KLHL34: variants seen among roughly 807,000 people sequenced by gnomAD.
KLHL34 encodes kelch-like protein 34.
KLHL34 carries 24 observed loss-of-function variants against 23.8 expected under a neutral mutation model. The observed-to-expected ratio is 1.01, with a 90% CI of 0.73 to 1.42. The LOEUF is 1.42. KLHL34 is among the 40% of genes most tolerant of loss of function. The pLI, the probability that KLHL34 is intolerant of heterozygous loss-of-function variation, is 0.00. For synonymous variants in KLHL34, 303 were observed against 287.9 expected (o/e 1.05, Z -0.53); for missense variants, 652 against 595.1 (o/e 1.10, Z -0.99).
rs199515825 is a variant in KLHL34 at position 21,657,239 on chromosome X, C to T, written c.550G>A (p.Gly184Ser). 4.2e-6 allele frequency: 5 copies of T among 1,182,727 alleles called. No individual in the cohort carries two copies. The East Asian group carries it at 1.2e-4, about 29-fold the overall frequency. The part of the protein sequence containing the change: ...LNPTSLRAVL[G>S]APDVARVPEA... ...GGCACCCGCGCCACGTCGGGGGCAC[C>T]CAGTACAGCCCTCAGCGATGTAGGG... Residue 184 changes from glycine to serine, a missense_variant, in exon 1 of 1, where the codon GGT becomes AGT. Coordinates refer to ENST00000379499, the MANE Select transcript of KLHL34 (RefSeq NM_153270.3).
Position 21,657,488 on chromosome X carries a change from C to T in KLHL34, c.301G>A (p.Asp101Asn), listed in dbSNP as rs1253767561. 1 of 1,211,198 alleles carries T rather than the reference C, an allele frequency of 8.3e-7. No homozygotes were observed. Among genetic ancestry groups the T allele is most frequent in the Admixed American group, 2.2e-5 (1 of 46,134 alleles). Residue 101 changes from aspartate (D) to asparagine (N), a missense_variant, in exon 1 of 1, where the codon GAC becomes AAC. Asp to Asn is a conservative substitution (Grantham distance 23, BLOSUM62 1). Transcript: ENST00000379499. The part of the protein sequence containing the change: ...WLSLSMDTVE[D>N]TLEAASYLQV... ...AGGTAGCTGGCGGCCTCCAGAGTGTCCTCTACAGTGTCCATGGAAAGCGAC... is the reference window on the plus strand; with the variant it reads ...AGGTAGCTGGCGGCCTCCAGAGTGTTCTCTACAGTGTCCATGGAAAGCGAC...
Position 21,656,079 on chromosome X carries a change from C to G in KLHL34, c.1710G>C (p.Glu570Asp), listed in dbSNP as rs1046366483. ...DRFCYGLAVV[E>D]ETALLLGGLK... Reference sequence around the variant, plus strand: ...GGCCGCCCAGCAGCAACGCTGTCTCCTCGACCACGGCCAGCCCATAGCAGA... The same window carrying G: ...GGCCGCCCAGCAGCAACGCTGTCTCGTCGACCACGGCCAGCCCATAGCAGA... The change falls in exon 1 of 1, where the codon GAG (glutamate) becomes GAC (aspartate). Residue 570 changes from glutamate (E) to aspartate (D), a missense_variant. Transcript: ENST00000379499. 3 of 1,188,208 alleles carry G rather than the reference C, an allele frequency of 2.5e-6. No individual in the cohort carries two copies. The highest frequency in any genetic ancestry group is 3.4e-6 in the Non-Finnish European group (3 of 883,164).
chrX:21,657,220 C>T lies in KLHL34; in HGVS notation c.569G>A (p.Arg190Gln). The change falls in exon 1 of 1, where the codon CGG becomes CAG. Residue 190 changes from arginine to glutamine, a missense_variant. Physicochemically the swap from Arg to Gln is conservative, Grantham distance 43. Coordinates refer to ENST00000379499, the MANE Select transcript of KLHL34 (RefSeq NM_153270.3). ...GCCCAGTAGCCGGGCCTCGGGCACC[C>T]GCGCCACGTCGGGGGCACCCAGTAC... is the stretch of plus-strand genomic sequence containing the variant. ...RAVLGAPDVARVPEARLLGLA... is the reference protein window; with the variant it reads ...RAVLGAPDVAQVPEARLLGLA... The T allele has an allele frequency of 6.7e-6, 8 of 1,193,718 alleles. No homozygotes were observed. Among genetic ancestry groups the T allele is most frequent in the Non-Finnish European group, 9.0e-6 (8 of 887,901 alleles).
Position 21,656,319 on chromosome X carries a change from C to G in KLHL34, c.1470G>C (p.Ala490=). The G allele has an allele frequency of 8.3e-7, 1 of 1,199,921 alleles. No homozygotes were observed. The highest frequency in any genetic ancestry group is 1.1e-6 in the Non-Finnish European group (1 of 889,708). The stretch of plus-strand genomic sequence containing the variant: ...GGACGTATAAGTCCCGGAGGCTGCT[C>G]GCTCCGCCCTCGCCTCTCCCTGCCT... ...GGKAGRGEGG[A]SSLRDLYVLG... is the part of the protein sequence containing the mutation. The change falls in exon 1 of 1, where the codon GCG becomes GCC. Residue 490 remains alanine (A), a synonymous_variant. Transcript: ENST00000379499.
At position 21,658,027 on chromosome X, in the gene KLHL34, A is replaced by T; in HGVS notation, c.-239T>A. ...GGTTTTCGGAGGCCCCTAGTAACGGAGGGCGCGGAATTTGGAGGCTTCCCG... is the reference window on the plus strand; with the variant it reads ...GGTTTTCGGAGGCCCCTAGTAACGGTGGGCGCGGAATTTGGAGGCTTCCCG... On this transcript the variant is annotated 5_prime_UTR_variant, in exon 1 of 1. Coordinates refer to ENST00000379499, the MANE Select transcript of KLHL34 (RefSeq NM_153270.3). 2.7e-6 allele frequency: 1 copy of T among 373,898 alleles called. No individual in the cohort carries two copies. The highest frequency in any genetic ancestry group is 4.7e-5 in the East Asian group (1 of 21,187). 30.8% of individuals were successfully genotyped at this position (373,898 alleles called of 1,213,427 possible). A position where few individuals can be genotyped will look rare whatever the true frequency, so the allele number is the denominator to read the frequency against.
At position 21,655,254 on chromosome X, in the gene KLHL34, T is replaced by C. The variant is rs1028557743; in HGVS notation, c.*600A>G. 5 of 110,109 alleles carry C rather than the reference T, an allele frequency of 4.5e-5. No homozygotes were observed. Among genetic ancestry groups the C allele is most frequent in the Non-Finnish European group, 7.6e-5 (4 of 52,797 alleles). 9.1% of individuals were successfully genotyped at this position (110,109 alleles called of 1,213,427 possible). On this transcript the variant is annotated 3_prime_UTR_variant, in exon 1 of 1. Transcript: ENST00000379499. Reference sequence around the variant, plus strand: ...AGAGATTTTTTTTTTCCTTCTCAGTTCCATATTTATATCAAACCATCAGAG... The same window carrying C: ...AGAGATTTTTTTTTTCCTTCTCAGTCCCATATTTATATCAAACCATCAGAG...
chrX:21,655,450 T>C lies in KLHL34; in HGVS notation c.*404A>G, dbSNP rs2092730320. Reference sequence around the variant, plus strand: ...TTTTCTGAGTTTTGTATAAACTTCCTGTGGTACATTTTTTGGCCTTTTTTT... The same window carrying C: ...TTTTCTGAGTTTTGTATAAACTTCCCGTGGTACATTTTTTGGCCTTTTTTT... On this transcript the variant is annotated 3_prime_UTR_variant, in exon 1 of 1. Coordinates refer to ENST00000379499, the MANE Select transcript of KLHL34 (RefSeq NM_153270.3). The C allele has an allele frequency of 8.3e-6, 1 of 120,651 alleles. No homozygotes were observed. The highest frequency in any genetic ancestry group is 3.4e-5 in the African/African-American group (1 of 29,469). 9.9% of individuals were successfully genotyped at this position (120,651 alleles called of 1,213,427 possible).
chrX:21,656,169 CT>C lies in KLHL34; in HGVS notation c.1619del (p.Glu540GlyfsTer53). 8.5e-7 allele frequency: 1 copy of C among 1,176,535 alleles called. No homozygotes were observed. ...CGGCGCCGGGGTCGTAGCGCTCGAT[CT>C]CAGAGAAGGGCTCGTATCGCCCCAG... ...AFLGRYEPFS[E>X]IERYDPGADQ... is the part of the protein sequence containing the mutation. On this transcript the variant is annotated frameshift_variant, in exon 1 of 1. Transcript: ENST00000379499. LOFTEE classifies it high-confidence loss of function.
chrX:21,657,352 G>C lies in KLHL34; in HGVS notation c.437C>G (p.Thr146Arg). 2 of 1,162,333 alleles carry C rather than the reference G, an allele frequency of 1.7e-6. 1 individual carries two copies. Among genetic ancestry groups the C allele is most frequent in the South Asian group, 3.8e-5 (2 of 52,263 alleles). Residue 146 changes from threonine to arginine, a missense_variant, in exon 1 of 1, where the codon ACG (threonine) becomes AGG (arginine). Coordinates refer to ENST00000379499, the MANE Select transcript of KLHL34 (RefSeq NM_153270.3). ...NVAARFGLAH[T>R]LDAAERCIVS... ...GATGCAGCGCTCGGCCGCGTCCAGC[G>C]TGTGAGCCAGGCCAAAGCGCGCTGC...
In KLHL34 at chrX:21,655,713, C is replaced by T; in HGVS notation, c.*141G>A. ...TCAAGGAGAAATGTTTCTCTTTGCT[C>T]AAGGCCTTGTTTGCCTGTTAACCTT... is the stretch of plus-strand genomic sequence containing the variant. On this transcript the variant is annotated 3_prime_UTR_variant, in exon 1 of 1. Coordinates refer to ENST00000379499, the MANE Select transcript of KLHL34 (RefSeq NM_153270.3). The T allele has an allele frequency of 1.0e-6, 1 of 1,001,140 alleles. No individual in the cohort carries two copies. The highest frequency in any genetic ancestry group is 1.3e-6 in the Non-Finnish European group (1 of 771,525). 82.5% of individuals were successfully genotyped at this position (1,001,140 alleles called of 1,213,427 possible). A position where few individuals can be genotyped will look rare whatever the true frequency, so the allele number is the denominator to read the frequency against.
In KLHL34 at chrX:21,657,685, G is replaced by A; in HGVS notation, c.104C>T (p.Thr35Ile). 1 of 1,205,665 alleles carries A rather than the reference G, an allele frequency of 8.3e-7. No homozygotes were observed. Among genetic ancestry groups the A allele is most frequent in the Non-Finnish European group, 1.1e-6 (1 of 894,740 alleles). ...EGFLCDVTLE[T>I]EGSEFPAHRS... Reference sequence around the variant, plus strand: ...GTGCGCCGGGAATTCGCTGCCCTCGGTCTCCAGTGTCACGTCGCACAGGAA... The same window carrying A: ...GTGCGCCGGGAATTCGCTGCCCTCGATCTCCAGTGTCACGTCGCACAGGAA... Residue 35 changes from threonine (T) to isoleucine (I), a missense_variant, in exon 1 of 1, where the codon ACC (threonine) becomes ATC (isoleucine). Transcript: ENST00000379499.
rs866917256 is a variant in KLHL34 at position 21,656,440 on chromosome X, C to T, written c.1349G>A (p.Arg450Gln). Residue 450 changes from arginine to glutamine, a missense_variant, in exon 1 of 1, where the codon CGG becomes CAG. Physicochemically the swap from Arg to Gln is conservative, Grantham distance 43. Transcript: ENST00000379499. ...TGCCCCAGCCGCCGTCCAGCGGTCC[C>T]GACGCAGGTCGTACATCTCCACCGA... Reference protein sequence around the residue: ...LASVEMYDLRRDRWTAAGALP... With the variant: ...LASVEMYDLRQDRWTAAGALP... 8.4e-7 allele frequency: 1 copy of T among 1,193,802 alleles called. No homozygotes were observed. Among genetic ancestry groups the T allele is most frequent in the Non-Finnish European group, 1.1e-6 (1 of 888,000 alleles).
In KLHL34 at chrX:21,657,269, G is replaced by A; in HGVS notation, c.520C>T (p.Leu174Phe). 1 of 1,164,619 alleles carries A rather than the reference G, an allele frequency of 8.6e-7. No individual in the cohort carries two copies. Among genetic ancestry groups the A allele is most frequent in the South Asian group, 1.9e-5 (1 of 51,419 alleles). ...RGAGPAGLLE[L>F]NPTSLRAVLG... ...ACAGCCCTCAGCGATGTAGGGTTGA[G>A]CTCCAGGAGTCCCGCGGGGCCCGCG... Residue 174 changes from leucine (L) to phenylalanine (F), a missense_variant, in exon 1 of 1, where the codon CTC becomes TTC. Transcript: ENST00000379499.
At position 21,657,370 on chromosome X, in the gene KLHL34, C is replaced by A; in HGVS notation, c.419G>T (p.Arg140Leu). 2 of 1,162,859 alleles carry A rather than the reference C, an allele frequency of 1.7e-6. No homozygotes were observed. The highest frequency in any genetic ancestry group is 2.3e-6 in the Non-Finnish European group (2 of 870,807). ...NCCFAANVAA[R>L]FGLAHTLDAA... ...GTCCAGCGTGTGAGCCAGGCCAAAG[C>A]GCGCTGCCACGTTGGCGGCGAAGCA... The change falls in exon 1 of 1, where the codon CGC becomes CTC. Residue 140 changes from arginine to leucine, a missense_variant. Physicochemically the swap from Arg to Leu is moderately radical, Grantham distance 102. Coordinates refer to ENST00000379499, the MANE Select transcript of KLHL34 (RefSeq NM_153270.3).
At position 21,656,470 on chromosome X, in the gene KLHL34, A is replaced by G; in HGVS notation, c.1319T>C (p.Leu440Pro). Residue 440 changes from leucine to proline, a missense_variant, in exon 1 of 1, where the codon CTG becomes CCG. Coordinates refer to ENST00000379499, the MANE Select transcript of KLHL34 (RefSeq NM_153270.3). ...VGGLGAGGEVLASVEMYDLRR... is the reference protein window; with the variant it reads ...VGGLGAGGEVPASVEMYDLRR... ...CAGGTCGTACATCTCCACCGAGGCC[A>G]GCACCTCACCGCCCGCACCCAGGCC... 2 of 1,195,859 alleles carry G rather than the reference A, an allele frequency of 1.7e-6. No individual in the cohort carries two copies. The highest frequency in any genetic ancestry group is 2.2e-6 in the Non-Finnish European group (2 of 889,271).
chrX:21,655,905 G>C lies in KLHL34; in HGVS notation c.1884C>G (p.Asp628Glu). The C allele has an allele frequency of 2.5e-6, 3 of 1,205,780 alleles. No homozygotes were observed. Among genetic ancestry groups the C allele is most frequent in the Non-Finnish European group, 3.4e-6 (3 of 892,257 alleles). Reference sequence around the variant, plus strand: ...CTCCAACCTCTCCCTCCCTCTCGTCGTCCCCACCCTCGGCCAGCTGCAGCA... The same window carrying C: ...CTCCAACCTCTCCCTCCCTCTCGTCCTCCCCACCCTCGGCCAGCTGCAGCA... Reference protein sequence around the residue: ...CAVLQLAEGGDDEREGEVGEA... With the variant: ...CAVLQLAEGGEDEREGEVGEA... The change falls in exon 1 of 1, where the codon GAC (aspartate) becomes GAG (glutamate). Residue 628 changes from aspartate to glutamate, a missense_variant. Physicochemically the swap from Asp to Glu is conservative, Grantham distance 45. Transcript: ENST00000379499.
rs2092732557 is a variant in KLHL34, at chrX:21,656,353, G to A, written c.1436C>T (p.Ser479Leu). 1.7e-6 allele frequency: 2 copies of A among 1,198,202 alleles called. No individual in the cohort carries two copies. The highest frequency in any genetic ancestry group is 1.8e-5 in the South Asian group (1 of 54,762). Residue 479 changes from serine (S) to leucine (L), a missense_variant, in exon 1 of 1, where the codon TCG becomes TTG. Coordinates refer to ENST00000379499, the MANE Select transcript of KLHL34 (RefSeq NM_153270.3). ...CTCGCCTCTCCCTGCCTTGCCCCCC[G>A]AGATGTACACAACACCGCGGTCCCC... ...AVGDRGVVYI[S>L]GGKAGRGEGG...
Position 21,656,828 on chromosome X carries a change from A to G in KLHL34, c.961T>C (p.Leu321=). The change falls in exon 1 of 1, where the codon TTG becomes CTG. Residue 321 remains leucine (L), a synonymous_variant. Coordinates refer to ENST00000379499, the MANE Select transcript of KLHL34 (RefSeq NM_153270.3). ...TCCTCCTCCTCCTCCTCTTCCTCCA[A>G]CTCTTCCTCTTCTTCCTCGGGCTCT... ...APEPEEEEEE[L]EEEEEEEEWE... 8.4e-7 allele frequency: 1 copy of G among 1,186,739 alleles called. No individual in the cohort carries two copies. Among genetic ancestry groups the G allele is most frequent in the African/African-American group, 1.8e-5 (1 of 56,497 alleles).
chrX:21,655,767 T>G lies in KLHL34; in HGVS notation c.*87A>C. ...AAGCCACTCTGCTCCCAGAATCCCTTTCTTAGAAAAAGCCCATCCGTTGCT... is the reference window on the plus strand; with the variant it reads ...AAGCCACTCTGCTCCCAGAATCCCTGTCTTAGAAAAAGCCCATCCGTTGCT... On this transcript the variant is annotated 3_prime_UTR_variant, in exon 1 of 1. Transcript: ENST00000379499. 9.3e-7 allele frequency: 1 copy of G among 1,078,405 alleles called. No individual in the cohort carries two copies. Among genetic ancestry groups the G allele is most frequent in the Non-Finnish European group, 1.2e-6 (1 of 829,895 alleles). 88.9% of individuals were successfully genotyped at this position (1,078,405 alleles called of 1,213,427 possible).
Sources: gnomAD v4.1 joint callset for allele counts on GRCh38, gnomAD v4.1.1 for gene constraint, MANE v1.5 for transcripts, NCBI Gene and HGNC (gene_info 2026-07-23, HGNC 2026-07-21) for gene names.